TBC1D8B: variants seen among roughly 807,000 people sequenced by gnomAD.
The protein encoded by TBC1D8B is RP11-321G1.1.
TBC1D8B carries 75 observed loss-of-function variants against 82.9 expected under a neutral mutation model. The observed-to-expected ratio is 0.90, with a 90% CI of 0.75 to 1.10. The LOEUF (loss-of-function observed/expected upper bound fraction) is 1.10, where lower values mean the gene tolerates loss of function less well. Among genes scored for constraint, TBC1D8B ranks in the 50% least tolerant of loss-of-function variants. The pLI, the probability that TBC1D8B is intolerant of heterozygous loss-of-function variation, is 0.00. For synonymous variants in TBC1D8B, 276 were observed against 276.8 expected, an observed-to-expected ratio of 1.00 and a Z score of 0.03; for missense variants, 794 against 796.9, an observed-to-expected ratio of 1.00 and a Z score of 0.04.
chrX:106,804,668 C>G (rs767041356), intron 1 of TBC1D8B, among the ~76,000 whole-genome samples: 40 of 110,889 alleles, frequency 3.6e-4, no homozygotes, highest in Non-Finnish European at 6.8e-4. Context: ...TTTGGGAGAC[C>G]GAGGCAGGTG....
chrX:106,819,516 T>G (rs1285905145), intron 2 of TBC1D8B, among the ~76,000 whole-genome samples: 2 of 111,387 alleles, frequency 1.8e-5, no homozygotes, highest in Non-Finnish European at 3.8e-5. Context: ...TATCCCCCTC[T>G]CTTCTAAAGT....
At position 106,873,875 on chromosome X, in the gene TBC1D8B, A is replaced by G. The variant is rs774239139; in HGVS notation, c.3273A>G (p.Ala1091=). Residue 1091 remains alanine (A), a synonymous_variant, in exon 21 of 21, where the codon GCA becomes GCG. Coordinates refer to ENST00000357242, the MANE Select transcript of TBC1D8B (RefSeq NM_017752.3). Reference sequence around the variant, plus strand: ...TTGCATCGCTGTTGAATGAACCAGCATTGGTGAGGTTTTTTGAGAAACCCA... The same window carrying G: ...TTGCATCGCTGTTGAATGAACCAGCGTTGGTGAGGTTTTTTGAGAAACCCA... ...QILASLLNEP[A]LVRFFEKPID... is the part of the protein sequence containing the mutation. 5.8e-6 allele frequency: 7 copies of G among 1,209,307 alleles called. No homozygotes were observed. Among genetic ancestry groups the G allele is most frequent in the African/African-American group, 1.7e-5 (1 of 57,348 alleles).
chrX:106,804,511 A>G (rs1931127832), intron 1 of TBC1D8B, among the ~76,000 whole-genome samples: 2 of 111,906 alleles, frequency 1.8e-5, no homozygotes, highest in Non-Finnish European at 3.8e-5. Context: ...ATAGATGCAG[A>G]TATTTTCGAG....
At chrX:106,862,942 C>T (rs1465278554) in intron 14 of TBC1D8B, among the ~76,000 whole-genome samples, 1 of 109,721 alleles carries the variant, frequency 9.1e-6, no homozygotes, top group Non-Finnish European at 1.9e-5. Context: ...TGGTACCAGA[C>T]CCCCAGCTTT....
intron 1 of TBC1D8B, among the ~76,000 whole-genome samples, chrX:106,817,190 A>T (rs1445833239): frequency 1.8e-5 from 2 of 111,584 alleles, no homozygotes; most frequent in Non-Finnish European, 3.8e-5. Flanking sequence ...AACAAACTAT[A>T]TCCTTATTGT....
At chrX:106,854,119 G>A (rs1436741681) in intron 13 of TBC1D8B, 79 bp from the exon 14 acceptor site, 5 of 727,679 alleles carry the variant, frequency 6.9e-6, no homozygotes, top group Non-Finnish European at 9.6e-6. Flanking sequence ...CAAGAATTCA[G>A]TCTGATAAAA....
At chrX:106,864,512 C>CTTTTT (rs771983121) in intron 14 of TBC1D8B, among the ~76,000 whole-genome samples, 1 of 82,489 alleles carries the variant, frequency 1.2e-5, no homozygotes, top group Non-Finnish European at 2.3e-5. Context: ...TGCTGGGCAC[C>CTTTTT]TTTTTTTTTT....
In TBC1D8B at chrX:106,839,307, G is replaced by A; in HGVS notation, c.1204-1G>A. On this transcript the variant is annotated splice_acceptor_variant, in intron 7 of 20. Transcript: ENST00000357242. LOFTEE classifies it high-confidence loss of function. ...GGACAACTACATTCTTTCTTTTTCA[G>A]CTTGCTATTAGTTCTGAGTCTACAG... 8.8e-7 allele frequency: 1 copy of A among 1,133,890 alleles called. No individual in the cohort carries two copies. Among genetic ancestry groups the A allele is most frequent in the Admixed American group, 2.9e-5 (1 of 34,472 alleles). The allele number at this position is 1,133,890 out of a possible 1,213,427, so 93.4% of individuals were successfully genotyped here.
At chrX:106,857,399 C>T (rs1006189866) in intron 14 of TBC1D8B, among the ~76,000 whole-genome samples, 26 of 111,579 alleles carry the variant, frequency 2.3e-4, no homozygotes, top group African/African-American at 8.1e-4. Flanking sequence ...GTGATCCACC[C>T]GCCTCAGCCT....
Position 106,826,179 on chromosome X carries a change from A to G in TBC1D8B, c.977A>G (p.Tyr326Cys). Reference sequence around the variant, plus strand: ...GGGAAAATGTGCATCTCAGAAAATTATATCTGCTTTGCTAGCCAAGATGGC... The same window carrying G: ...GGGAAAATGTGCATCTCAGAAAATTGTATCTGCTTTGCTAGCCAAGATGGC... The part of the protein sequence containing the change: ...THGKMCISEN[Y>C]ICFASQDGNQ... The change falls in exon 6 of 21, where the codon TAT (tyrosine) becomes TGT (cysteine). Residue 326 changes from tyrosine (Y) to cysteine (C), a missense_variant. Physicochemically the swap from Tyr to Cys is radical, Grantham distance 194. Transcript: ENST00000357242. 8.3e-7 allele frequency: 1 copy of G among 1,210,773 alleles called. No homozygotes were observed. The highest frequency in any genetic ancestry group is 1.1e-6 in the Non-Finnish European group (1 of 894,936).
Position 106,850,238 on chromosome X carries a change from C to T in TBC1D8B, c.2051C>T (p.Ala684Val), listed in dbSNP as rs1467469854. ...GIKAILQLGL[A>V]ILDYNLDKLL... Reference sequence around the variant, plus strand: ...AAGGCCATTTTGCAACTGGGATTGGCAATACTTGACTATAATTTAGACAAA... The same window carrying T: ...AAGGCCATTTTGCAACTGGGATTGGTAATACTTGACTATAATTTAGACAAA... The change falls in exon 12 of 21, where the codon GCA becomes GTA. Residue 684 changes from alanine (A) to valine (V), a missense_variant. Transcript: ENST00000357242. The T allele has an allele frequency of 8.3e-7, 1 of 1,209,370 alleles. No homozygotes were observed. The highest frequency in any genetic ancestry group is 1.7e-5 in the African/African-American group (1 of 57,189).
chrX:106,868,962 T>C (rs28538469), intron 18 of TBC1D8B, among the ~76,000 whole-genome samples: 6,839 of 111,661 alleles, frequency 0.061, 550 homozygotes, highest in African/African-American at 0.21. Flanking sequence ...GGATGAACCC[T>C]GATTAATGTA....
intron 14 of TBC1D8B, among the ~76,000 whole-genome samples, chrX:106,861,402 G>A (rs747907487): frequency 4.5e-5 from 5 of 111,757 alleles, no homozygotes; most frequent in Admixed American, 1.9e-4. Context: ...GAATCTGAGT[G>A]CTCCTGTGTT....
chrX:106,840,465 A>G (rs1389067151), intron 9 of TBC1D8B, among the ~76,000 whole-genome samples: 1 of 111,628 alleles, frequency 9.0e-6, no homozygotes, highest in Non-Finnish European at 1.9e-5. Flanking sequence ...TTAAGGGGGA[A>G]AAAAGCTCAT....
rs187135891 is a variant in TBC1D8B, at chrX:106,837,216, T to G, written c.1204-2092T>G. Among the ~76,000 whole-genome samples the G allele has an allele frequency of 1.3e-4, 15 of 111,724 alleles. No homozygotes were observed. In the East Asian group the frequency reaches 4.2e-3, roughly 31 times the overall value. ...ATTGGATTACATCAAAATTAAAAAC[T>G]TTTGTGCTACAAATGATATCATCAA... On this transcript the variant is annotated intron_variant, in intron 7 of 20. Coordinates refer to ENST00000357242, the MANE Select transcript of TBC1D8B (RefSeq NM_017752.3).
intron 14 of TBC1D8B, among the ~76,000 whole-genome samples, chrX:106,862,776 G>GTTTTGTTTTTTTTTTT (rs1932785461): frequency 8.0e-5 from 3 of 37,298 alleles, no homozygotes; most frequent in Non-Finnish European, 8.8e-5. Context: ...GTTTTTTTTT[G>GTTTTGTTTTTTTTTTT]TTTTTTTTTT....
At chrX:106,844,536 T>C (rs1356414653) in intron 10 of TBC1D8B, among the ~76,000 whole-genome samples, 1 of 106,735 alleles carries the variant, frequency 9.4e-6, no homozygotes, top group East Asian at 2.9e-4. Context: ...CACACACACA[T>C]ATATATAAAC....
chrX:106,856,169 G>A (rs1221058175), intron 14 of TBC1D8B, among the ~76,000 whole-genome samples: 6 of 111,880 alleles, frequency 5.4e-5, no homozygotes, highest in Admixed American at 9.5e-5. Flanking sequence ...CCTATTCATA[G>A]CCTTTGCTTA....
At chrX:106,845,597 T>C (rs1246635301) in intron 10 of TBC1D8B, among the ~76,000 whole-genome samples, 1 of 110,613 alleles carries the variant, frequency 9.0e-6, no homozygotes, top group East Asian at 2.8e-4. Flanking sequence ...TCTTTATCAC[T>C]TTCTGCTCGC....
Sources: gnomAD v4.1 joint callset for allele counts (sites outside exome capture counted in the v4.1 genomes callset) on GRCh38, gnomAD v4.1.1 for gene constraint, MANE v1.5 for transcripts, NCBI Gene and HGNC (gene_info 2026-07-23, HGNC 2026-07-21) for gene names.